Variants in DHX15 observed in about 807,000 individuals in gnomAD.
DHX15 encodes ATP-dependent RNA helicase DHX15.
A neutral mutation model predicts 94.4 loss-of-function variants in DHX15; 11 were observed. The ratio of observed to expected loss-of-function variants is 0.12; its 90% CI spans 0.07 to 0.19. DHX15 has a LOEUF of 0.19. Ranked by LOEUF, DHX15 falls within the 10% of genes least tolerant of loss-of-function variation. DHX15 has a pLI of 1.00. For synonymous variants in DHX15, 338 were observed against 329.9 expected (o/e 1.02, Z -0.27); for missense variants, 304 against 988.5 (o/e 0.31, Z 9.29).
intron 5 of DHX15, among the ~76,000 whole-genome samples, chr4:24,551,369 A>G (rs1182483351): frequency 6.6e-6 from 1 of 152,192 alleles, no homozygotes; most frequent in Non-Finnish European, 1.5e-5. Flanking sequence ...CATTTACTTT[A>G]TATTTTTTTA....
chr4:24,530,124 ACCTATTATGCTC>A, intron 12 of DHX15: 1 of 322,992 alleles, frequency 3.1e-6, no homozygotes, highest in Non-Finnish European at 5.7e-6. Context: ...ATTTGTCTAT[ACCTATTATGCTC>A]CAAGAGCAGG....
intron 2 of DHX15, among the ~76,000 whole-genome samples, chr4:24,575,343 T>C (rs753479812): frequency 3.9e-5 from 6 of 152,110 alleles, no homozygotes; most frequent in Non-Finnish European, 8.8e-5. Flanking sequence ...CTTCAATACT[T>C]TCCTGAATTT....
chr4:24,578,046 T>C (rs1213192027), intron 1 of DHX15, among the ~76,000 whole-genome samples: 1 of 152,188 alleles, frequency 6.6e-6, no homozygotes, highest in African/African-American at 2.4e-5. Context: ...TATATGCATA[T>C]ATAAACATGA....
chr4:24,556,969 T>C (rs1459008137), intron 3 of DHX15, among the ~76,000 whole-genome samples: 3 of 152,014 alleles, frequency 2.0e-5, no homozygotes. Flanking sequence ...AATTCAATAA[T>C]AAAAGAAGTG....
chr4:24,566,432 A>G (rs1030739636), intron 3 of DHX15, among the ~76,000 whole-genome samples: 1 of 152,230 alleles, frequency 6.6e-6, no homozygotes, highest in Non-Finnish European at 1.5e-5. Flanking sequence ...AGCTGTTTCC[A>G]GAGGCACCAA....
At chr4:24,574,145 G>A (rs967526468) in intron 2 of DHX15, among the ~76,000 whole-genome samples, 1 of 138,080 alleles carries the variant, frequency 7.2e-6, no homozygotes, top group African/African-American at 2.7e-5. Flanking sequence ...GGAGGAGGTT[G>A]CAGAAAGCCA....
chr4:24,541,326 T>C (rs976538549), intron 8 of DHX15, among the ~76,000 whole-genome samples: 1 of 152,162 alleles, frequency 6.6e-6, no homozygotes, highest in African/African-American at 2.4e-5. Flanking sequence ...ATATACACTA[T>C]ACACCCATTT....
At chr4:24,547,265 A>C (rs1271830334) in intron 6 of DHX15, among the ~76,000 whole-genome samples, 1 of 152,240 alleles carries the variant, frequency 6.6e-6, no homozygotes, top group Non-Finnish European at 1.5e-5. Flanking sequence ...TATAGCCCCT[A>C]GTTTTGAATT....
chr4:24,548,175 C>T (rs1036662389), intron 6 of DHX15, among the ~76,000 whole-genome samples: 1 of 137,282 alleles, frequency 7.3e-6, no homozygotes, highest in South Asian at 2.3e-4. Flanking sequence ...GATGGAGTCG[C>T]GCTGTCGCCC....
intron 3 of DHX15, among the ~76,000 whole-genome samples, chr4:24,558,684 T>C (rs1721795812): frequency 6.6e-6 from 1 of 152,154 alleles, no homozygotes; most frequent in Non-Finnish European, 1.5e-5. Flanking sequence ...TAATTACTTC[T>C]TGCATCACCA....
At chr4:24,580,217 G>A (rs1187100405) in intron 1 of DHX15, among the ~76,000 whole-genome samples, 1 of 152,186 alleles carries the variant, frequency 6.6e-6, no homozygotes, top group Non-Finnish European at 1.5e-5. Context: ...AGACCAGCCT[G>A]AGCAATACAG....
chr4:24,577,778 T>C (rs979902553), intron 1 of DHX15, among the ~76,000 whole-genome samples: 9 of 152,056 alleles, frequency 5.9e-5, no homozygotes, highest in Non-Finnish European at 1.0e-4. Context: ...GGGAGACTGG[T>C]GGTGGGAATA....
rs775099813 is a variant in DHX15 at position 24,547,927 on chromosome 4, A to G, written c.1248+928T>C. ...TGTATATATATATATATATATATAT[A>G]TATATATATATATATCTATATCTAT... On this transcript the variant is annotated intron_variant, in intron 6 of 13. Coordinates refer to ENST00000336812, the MANE Select transcript of DHX15 (RefSeq NM_001358.3). 7.3e-4 allele frequency among the ~76,000 whole-genome samples: 75 copies of G among 102,934 alleles called. 1 individual carries two copies. Among genetic ancestry groups the G allele is most frequent in the Middle Eastern group, 5.0e-3 (1 of 200 alleles). The allele number at this position is 102,934 out of a possible 152,430, so 67.5% of individuals were successfully genotyped here.
chr4:24,570,629 G>GC (rs753610433), intron 3 of DHX15, 25 bp downstream of exon 3: 1 of 1,606,820 alleles, frequency 6.2e-7, no homozygotes, highest in Non-Finnish European at 8.5e-7. Flanking sequence ...AGGACTAAAA[G>GC]CGTCATTAAA....
At chr4:24,546,547 A>G (rs1721427849) in intron 6 of DHX15, among the ~76,000 whole-genome samples, 1 of 152,246 alleles carries the variant, frequency 6.6e-6, no homozygotes, top group Non-Finnish European at 1.5e-5. Context: ...AAATACTTGA[A>G]TAAACTTCAA....
intron 5 of DHX15, among the ~76,000 whole-genome samples, chr4:24,553,710 G>C (rs1352353589): frequency 6.6e-6 from 1 of 151,998 alleles, no homozygotes; most frequent in African/African-American, 2.4e-5. Flanking sequence ...CCGGGAGGCA[G>C]AGGTTGCAGT....
chr4:24,584,225 G>C lies in DHX15; in HGVS notation c.71+98C>G, dbSNP rs539782214. 172 of 1,250,738 alleles carry C rather than the reference G, an allele frequency of 1.4e-4. 1 individual carries two copies. In the Admixed American group the frequency reaches 2.0e-3, roughly 15 times the overall value. 77.5% of individuals were successfully genotyped at this position (1,250,738 alleles called of 1,614,324 possible). A position where few individuals can be genotyped will look rare whatever the true frequency, so the allele number is the denominator to read the frequency against. On this transcript the variant is annotated intron_variant, in intron 1 of 13. Transcript: ENST00000336812. ...CAGCCCAGAGAGAAACAAAGGCTCG[G>C]GCTCCAGGACCCGCTCGGCCAGGCC...
intron 12 of DHX15, among the ~76,000 whole-genome samples, chr4:24,531,052 A>G (rs1024958001): frequency 9.9e-5 from 15 of 151,996 alleles, no homozygotes; most frequent in Admixed American, 6.6e-5. Flanking sequence ...TTTAATCTAC[A>G]TAATTAAGAA....
chr4:24,545,724 A>G (rs1721408365), intron 6 of DHX15, among the ~76,000 whole-genome samples: 1 of 152,222 alleles, frequency 6.6e-6, no homozygotes, highest in Non-Finnish European at 1.5e-5. Flanking sequence ...CTAATTGTAA[A>G]TGGCACACCA....
Sources: gnomAD v4.1 joint callset for allele counts (sites outside exome capture counted in the v4.1 genomes callset) on GRCh38, gnomAD v4.1.1 for gene constraint, MANE v1.5 for transcripts, NCBI Gene and HGNC (gene_info 2026-07-23, HGNC 2026-07-21) for gene names.